Variants in CCNA2 observed in about 807,000 individuals in gnomAD.
The protein encoded by CCNA2 is cyclin-A2.
In CCNA2, 3 loss-of-function variants were observed where a neutral mutation model predicts 49.4. The observed-to-expected ratio is 0.06, with a 90% CI of 0.03 to 0.16. The LOEUF (loss-of-function observed/expected upper bound fraction) is 0.16. Among genes scored for constraint, CCNA2 ranks in the 10% least tolerant of loss-of-function variants. CCNA2 has a pLI of 1.00. For missense variants in CCNA2, 372 were observed against 519.7 expected, an observed-to-expected ratio of 0.72 and a Z score of 2.76; for synonymous variants, 206 against 197.2, an observed-to-expected ratio of 1.04 and a Z score of -0.37.
At chr4:121,821,236 G>T in intron 2 of CCNA2, 145 bp from the exon 3 acceptor site, 1 of 1,001,616 alleles carries the variant, frequency 1.0e-6, no homozygotes, top group Non-Finnish European at 1.4e-6. Context: ...AAAATATGTA[G>T]AATATTTTAC....
intron 6 of CCNA2, 52 bp downstream of exon 6, chr4:121,818,747 CT>C (rs1724615354): frequency 9.1e-7 from 1 of 1,094,962 alleles, no homozygotes; most frequent in Non-Finnish European, 1.4e-6. Context: ...ATTATTTAAT[CT>C]GGCACAGGCA....
Position 121,823,490 on chromosome 4 carries a change from G to C in CCNA2, c.139C>G (p.Arg47Gly). The change falls in exon 1 of 8, where the codon CGG becomes GGG. Residue 47 changes from arginine (R) to glycine (G), a missense_variant. By Grantham distance (125) the Arg-to-Gly change is moderately radical. This residue lies in a region of CCNA2 where 217 missense variants were observed against 231.7 expected (regional missense o/e 0.94). Transcript: ENST00000274026. ...KAAPVQQPRT[R>G]AALAVLKSGN... ...GACTTCAGTACCGCCAGCGCGGCCC[G>C]GGTCCGCGGTTGTTGGACGGGCGCT... 2 of 1,613,406 alleles carry C rather than the reference G, an allele frequency of 1.2e-6. No individual in the cohort carries two copies. The highest frequency in any genetic ancestry group is 1.1e-5 in the South Asian group (1 of 90,972).
At chr4:121,818,204 T>A in intron 6 of CCNA2, 27 bp from the exon 7 acceptor site, 1 of 1,598,170 alleles carries the variant, frequency 6.3e-7, no homozygotes, top group Non-Finnish European at 8.5e-7. Flanking sequence ...AGAGAACCCC[T>A]GAGTTTTGCT....
chr4:121,823,444 G>A lies in CCNA2; in HGVS notation c.185C>T (p.Ala62Val). Residue 62 changes from alanine (A) to valine (V), a missense_variant, in exon 1 of 8, where the codon GCG becomes GTG. This residue lies in a region of CCNA2 where 217 missense variants were observed against 231.7 expected (regional missense o/e 0.94). Coordinates refer to ENST00000274026, the MANE Select transcript of CCNA2 (RefSeq NM_001237.5). ...VLKSGNPRGL[A>V]QQQRPKTRRV... Reference sequence around the variant, plus strand: ...TCTCGTCTTCGGCCTCTGCTGCTGCGCTAGACCCCGCGGGTTCCCGGACTT... The same window carrying A: ...TCTCGTCTTCGGCCTCTGCTGCTGCACTAGACCCCGCGGGTTCCCGGACTT... The A allele has an allele frequency of 6.2e-7, 1 of 1,613,118 alleles. No homozygotes were observed. The highest frequency in any genetic ancestry group is 2.2e-5 in the East Asian group (1 of 44,876).
chr4:121,822,619 T>A lies in CCNA2; in HGVS notation c.241A>T (p.Asn81Tyr). Residue 81 changes from asparagine (N) to tyrosine (Y), a missense_variant, in exon 2 of 8, where the codon AAT becomes TAT. Asn to Tyr is a moderately radical substitution (Grantham distance 143). Transcript: ENST00000274026. The part of the protein sequence containing the change: ...RVAPLKDLPV[N>Y]DEHVTVPPWK... ...GGAGGAACGGTGACATGCTCATCATTTACAGGAAGATCCTTAAGGGGTGCA... is the reference window on the plus strand; with the variant it reads ...GGAGGAACGGTGACATGCTCATCATATACAGGAAGATCCTTAAGGGGTGCA... 3.7e-6 allele frequency: 6 copies of A among 1,614,078 alleles called. No individual in the cohort carries two copies. The highest frequency in any genetic ancestry group is 5.1e-6 in the Non-Finnish European group (6 of 1,180,018).
intron 7 of CCNA2, 133 bp from the exon 8 acceptor site, chr4:121,817,819 A>T: frequency 7.7e-7 from 1 of 1,298,172 alleles, no homozygotes; most frequent in South Asian, 1.4e-5. Flanking sequence ...TGGTTTTAGA[A>T]ACACTGTCTG....
At chr4:121,819,711 T>G in intron 4 of CCNA2, 132 bp from the exon 5 acceptor site, 1 of 642,820 alleles carries the variant, frequency 1.6e-6, no homozygotes, top group Non-Finnish European at 2.7e-6. Context: ...AGACACTTGA[T>G]CATCATTTCT....
intron 2 of CCNA2, among the ~76,000 whole-genome samples, chr4:121,821,759 CT>C (rs1420677661): frequency 6.6e-6 from 1 of 152,146 alleles, no homozygotes; most frequent in Non-Finnish European, 1.5e-5. Flanking sequence ...CTGCTCACCC[CT>C]CCTTCCTCAC....
Position 121,818,073 on chromosome 4 carries a change from C to G in CCNA2, c.1221G>C (p.Gln407His), listed in dbSNP as rs1560631221. Residue 407 changes from glutamine to histidine, a missense_variant, in exon 7 of 8, where the codon CAG (glutamine) becomes CAC (histidine). Physicochemically the swap from Gln to His is conservative, Grantham distance 24. Coordinates refer to ENST00000274026, the MANE Select transcript of CCNA2 (RefSeq NM_001237.5). The part of the protein sequence containing the change: ...TYLKAPQHAQ[Q>H]SIREKYKNSK... Reference sequence around the variant, plus strand: ...AATTTTTGTACTTTTCTCTTATTGACTGTTGTGCATGCTGTGGTGCTTTGA... The same window carrying G: ...AATTTTTGTACTTTTCTCTTATTGAGTGTTGTGCATGCTGTGGTGCTTTGA... The G allele has an allele frequency of 6.2e-7, 1 of 1,613,742 alleles. No individual in the cohort carries two copies. Among genetic ancestry groups the G allele is most frequent in the Non-Finnish European group, 8.5e-7 (1 of 1,179,824 alleles).
chr4:121,818,284 A>G lies in CCNA2; in HGVS notation c.1117-107T>C, dbSNP rs187160387. 12 of 942,144 alleles carry G rather than the reference A, an allele frequency of 1.3e-5. No individual in the cohort carries two copies. The East Asian group carries it at 2.8e-4, about 22-fold the overall frequency. 58.4% of individuals were successfully genotyped at this position (942,144 alleles called of 1,614,324 possible). On this transcript the variant is annotated intron_variant, in intron 6 of 7. Coordinates refer to ENST00000274026, the MANE Select transcript of CCNA2 (RefSeq NM_001237.5). The stretch of plus-strand genomic sequence containing the variant: ...TGTTAAATTCCAGTACTAATCTTTA[A>G]CTTTTCCAACTACTAGTTTTCTCAG...
intron 2 of CCNA2, among the ~76,000 whole-genome samples, chr4:121,821,432 A>T (rs939884079): frequency 6.6e-6 from 1 of 152,200 alleles, no homozygotes; most frequent in Non-Finnish European, 1.5e-5. Flanking sequence ...ACACTTTTAA[A>T]ATCCAAGTTT....
rs1560630854 is a variant in CCNA2, at chr4:121,817,610, C to CTT, written c.*26_*27dup. The CTT allele has an allele frequency of 6.2e-7, 1 of 1,613,244 alleles. No individual in the cohort carries two copies. On this transcript the variant is annotated 3_prime_UTR_variant, in exon 8 of 8. Transcript: ENST00000274026. The stretch of plus-strand genomic sequence containing the variant: ...ACCATATACTTTGAGTGATTTACAT[C>CTT]TTAGAAAACAAAGGCAGTCTTTCAT...
In CCNA2 at chr4:121,822,526, T is replaced by C. The variant is rs34932724; in HGVS notation, c.334A>G (p.Lys112Glu). The stretch of plus-strand genomic sequence containing the variant: ...ATTTTTTGAGATTCAGCTGGCTTCT[T>C]CTGAGCTTCTTTTTCTGCTTCATCC... ...HVDEAEKEAQKKPAESQKIER... is the reference protein window; with the variant it reads ...HVDEAEKEAQEKPAESQKIER... The change falls in exon 2 of 8, where the codon AAG becomes GAG. Residue 112 changes from lysine (K) to glutamate (E), a missense_variant. Around this residue, in one of 2 missense-constraint regions of CCNA2, gnomAD observed 217 missense variants for 231.7 expected, o/e 0.94. Transcript: ENST00000274026. 9.4e-4 allele frequency: 1,521 copies of C among 1,614,194 alleles called. 18 individuals are homozygous for C. The African/African-American group carries it at 0.018, about 19-fold the overall frequency.
At position 121,818,309 on chromosome 4, in the gene CCNA2, G is replaced by A. The variant is rs539024839; in HGVS notation, c.1117-132C>T. The A allele has an allele frequency of 2.4e-5, 19 of 798,586 alleles. No individual in the cohort carries two copies. The African/African-American group carries it at 3.1e-4, about 13-fold the overall frequency. 49.5% of individuals were successfully genotyped at this position (798,586 alleles called of 1,614,324 possible). A position where few individuals can be genotyped will look rare whatever the true frequency, so the allele number is the denominator to read the frequency against. On this transcript the variant is annotated intron_variant, in intron 6 of 7. Coordinates refer to ENST00000274026, the MANE Select transcript of CCNA2 (RefSeq NM_001237.5). ...ACTTTTCCAACTACTAGTTTTCTCA[G>A]GCCATTATTCCATCCCTCGATCCAT...
Position 121,823,513 on chromosome 4 carries a change from G to A in CCNA2, c.116C>T (p.Ala39Val), listed in dbSNP as rs1309912079. ...DQENINPEKA[A>V]PVQQPRTRAA... is the part of the protein sequence containing the mutation. ...CCGGGTCCGCGGTTGTTGGACGGGC[G>A]CTGCCTTTTCCGGGTTGATATTCTC... The change falls in exon 1 of 8, where the codon GCG (alanine) becomes GTG (valine). Residue 39 changes from alanine (A) to valine (V), a missense_variant. This residue lies in a region of CCNA2 where 217 missense variants were observed against 231.7 expected (regional missense o/e 0.94). Transcript: ENST00000274026. The A allele has an allele frequency of 1.2e-6, 2 of 1,613,110 alleles. No homozygotes were observed.
Position 121,816,559 on chromosome 4 carries a change from C to T in CCNA2, c.*1079G>A. 2 of 833,342 alleles carry T rather than the reference C, an allele frequency of 2.4e-6. No individual in the cohort carries two copies. Among genetic ancestry groups the T allele is most frequent in the Non-Finnish European group, 1.8e-6 (1 of 544,138 alleles). The allele number at this position is 833,342 out of a possible 1,614,324, so 51.6% of individuals were successfully genotyped here. On this transcript the variant is annotated 3_prime_UTR_variant, in exon 8 of 8. Coordinates refer to ENST00000274026, the MANE Select transcript of CCNA2 (RefSeq NM_001237.5). The stretch of plus-strand genomic sequence containing the variant: ...CATGACTATAAACAAAAAGACATCC[C>T]TTTTTCATTAGAGATCCATCTGTTC...
rs747339409 is a variant in CCNA2 at position 121,822,505 on chromosome 4, T to C, written c.355A>G (p.Lys119Glu). ...GCCAGGGCATCTTCACGCTCTATTT[T>C]TTGAGATTCAGCTGGCTTCTTCTGA... ...EAQKKPAESQ[K>E]IEREDALAFN... Residue 119 changes from lysine to glutamate, a missense_variant, in exon 2 of 8, where the codon AAA becomes GAA. Lys to Glu is a moderately conservative substitution (Grantham distance 56). Around this residue, in one of 2 missense-constraint regions of CCNA2, gnomAD observed 217 missense variants for 231.7 expected, o/e 0.94. Coordinates refer to ENST00000274026, the MANE Select transcript of CCNA2 (RefSeq NM_001237.5). 1 of 1,614,196 alleles carries C rather than the reference T, an allele frequency of 6.2e-7. No individual in the cohort carries two copies. Among genetic ancestry groups the C allele is most frequent in the Non-Finnish European group, 8.5e-7 (1 of 1,180,044 alleles).
In CCNA2 at chr4:121,817,475, T is replaced by C. The variant is rs924844597; in HGVS notation, c.*163A>G. On this transcript the variant is annotated 3_prime_UTR_variant, in exon 8 of 8. Transcript: ENST00000274026. ...CTAAGACAGATACATATACAAAAGA[T>C]ATACAAATTAAAACCATTTAAAAAG... 1.3e-6 allele frequency: 1 copy of C among 743,488 alleles called. No individual in the cohort carries two copies. The highest frequency in any genetic ancestry group is 2.1e-6 in the Non-Finnish European group (1 of 481,168). The allele number at this position is 743,488 out of a possible 1,614,324, so 46.1% of individuals were successfully genotyped here.
Position 121,818,082 on chromosome 4 carries a change from A to G in CCNA2, c.1212T>C (p.His404=), listed in dbSNP as rs756418898. 15 of 1,613,934 alleles carry G rather than the reference A, an allele frequency of 9.3e-6. No individual in the cohort carries two copies. The highest frequency in any genetic ancestry group is 1.2e-5 in the Non-Finnish European group (14 of 1,179,932). The part of the protein sequence containing the change: ...LHQTYLKAPQ[H]AQQSIREKYK... ...ACTTTTCTCTTATTGACTGTTGTGCATGCTGTGGTGCTTTGAGGTAGGTCT... is the reference window on the plus strand; with the variant it reads ...ACTTTTCTCTTATTGACTGTTGTGCGTGCTGTGGTGCTTTGAGGTAGGTCT... The change falls in exon 7 of 8, where the codon CAT becomes CAC. Residue 404 remains histidine (H), a synonymous_variant. Transcript: ENST00000274026.
Sources: gnomAD v4.1 joint callset for allele counts (sites outside exome capture counted in the v4.1 genomes callset) on GRCh38, gnomAD v4.1.1 for gene constraint, gnomAD v4.1.1 regional missense constraint, MANE v1.5 for transcripts, NCBI Gene and HGNC (gene_info 2026-07-23, HGNC 2026-07-21) for gene names.